Variants in SRGAP1 observed in about 807,000 individuals in gnomAD.
The protein encoded by SRGAP1 is SLIT-ROBO Rho GTPase-activating protein 1.
Under a neutral mutation model 121.9 loss-of-function variants are expected in SRGAP1, and 43 were observed. The observed-to-expected ratio is 0.35, with a 90% confidence interval of 0.28 to 0.46. SRGAP1 has a LOEUF of 0.46. Ranked by LOEUF, SRGAP1 falls within the 20% of genes least tolerant of loss-of-function variation. The probability of loss-of-function intolerance (pLI) is 1.00; values close to 1 mark genes in which losing one functional copy is unlikely to be tolerated. For missense variants in SRGAP1, 1,102 were observed against 1,350.9 expected (o/e 0.82, Z 2.89); for synonymous variants, 447 against 485.4 (o/e 0.92, Z 1.04).
chr12:64,113,085 A>G (rs2136617952), intron 17 of SRGAP1, among the ~76,000 whole-genome samples: 1 of 151,854 alleles, frequency 6.6e-6, no homozygotes, highest in African/African-American at 2.4e-5. Flanking sequence ...CAGCCTGAGC[A>G]ACAAAACAAG....
chr12:64,123,663 T>G (rs560747674), intron 18 of SRGAP1, among the ~76,000 whole-genome samples: 3,123 of 149,944 alleles, frequency 0.021, 130 homozygotes, highest in African/African-American at 0.072. Context: ...TTTATTTATT[T>G]ATTTATTTAT....
chr12:63,922,259 A>G lies in SRGAP1; in HGVS notation c.68-61688A>G, dbSNP rs144041413. Among the ~76,000 whole-genome samples the G allele has an allele frequency of 3.0e-3, 457 of 152,304 alleles. 1 individual carries two copies. The highest frequency in any genetic ancestry group is 0.01 in the African/African-American group (432 of 41,556). ...CTCCCAAACTGCTGGGATTACAGGC[A>G]TGAGCTACTGCACCTGGCCCAAGAT... On this transcript the variant is annotated intron_variant, in intron 1 of 21. Coordinates refer to ENST00000355086, the MANE Select transcript of SRGAP1 (RefSeq NM_020762.4).
intron 6 of SRGAP1, among the ~76,000 whole-genome samples, chr12:64,044,957 G>A (rs748631932): frequency 1.3e-4 from 20 of 152,048 alleles, no homozygotes; most frequent in Admixed American, 2.0e-4. Context: ...TGGGATTACA[G>A]GCCTGAGCCA....
At chr12:63,992,521 T>A (rs1565626673) in intron 3 of SRGAP1, among the ~76,000 whole-genome samples, 1 of 151,978 alleles carries the variant, frequency 6.6e-6, no homozygotes, top group African/African-American at 2.4e-5. Context: ...AATCTTGGAG[T>A]GAGGCAGCTC....
intron 1 of SRGAP1, among the ~76,000 whole-genome samples, chr12:63,967,946 G>A (rs1330364787): frequency 6.6e-6 from 1 of 152,190 alleles, no homozygotes; most frequent in Non-Finnish European, 1.5e-5. Context: ...GGAAGGGAAT[G>A]GTGAGGAGGA....
intron 1 of SRGAP1, among the ~76,000 whole-genome samples, chr12:63,941,677 A>G (rs1191723123): frequency 1.0e-5 from 1 of 100,216 alleles, no homozygotes; most frequent in Non-Finnish European, 1.9e-5. Flanking sequence ...TGCCAGTTAG[A>G]AAAAAAAAAA....
chr12:64,082,202 T>C (rs894941171), intron 10 of SRGAP1, among the ~76,000 whole-genome samples: 3 of 152,020 alleles, frequency 2.0e-5, no homozygotes, highest in African/African-American at 7.3e-5. Context: ...AATTCATTCT[T>C]GGCACTGCTT....
At chr12:64,087,549 T>A (rs536922095) in intron 11 of SRGAP1, among the ~76,000 whole-genome samples, 20 of 151,890 alleles carry the variant, frequency 1.3e-4, no homozygotes, top group African/African-American at 4.6e-4. Flanking sequence ...GCCTGGCCAA[T>A]GTGGTGAAAC....
At chr12:64,112,996 C>T (rs891363411) in intron 17 of SRGAP1, among the ~76,000 whole-genome samples, 1 of 151,912 alleles carries the variant, frequency 6.6e-6, no homozygotes, top group Non-Finnish European at 1.5e-5. Flanking sequence ...GTCCCAGATA[C>T]TTGAGAAGCT....
intron 18 of SRGAP1, among the ~76,000 whole-genome samples, chr12:64,124,983 TG>T (rs2036665104): frequency 3.9e-5 from 6 of 152,216 alleles, no homozygotes; most frequent in African/African-American, 1.4e-4. Context: ...CCTTTGTGTG[TG>T]TGTTTACTTA....
At chr12:64,009,451 GTTAC>G (rs1357617214) in intron 3 of SRGAP1, among the ~76,000 whole-genome samples, 1 of 152,160 alleles carries the variant, frequency 6.6e-6, no homozygotes, top group African/African-American at 2.4e-5. Context: ...TCAGTCTTGA[GTTAC>G]TTAATCAGCC....
chr12:64,141,010 A>G (rs1328038275), intron 21 of SRGAP1, among the ~76,000 whole-genome samples: 1 of 121,924 alleles, frequency 8.2e-6, no homozygotes, highest in Non-Finnish European at 1.6e-5. Context: ...TTCTCAGTAA[A>G]CTATCGCAAG....
At chr12:64,083,326 A>T (rs188381685) in intron 10 of SRGAP1, among the ~76,000 whole-genome samples, 252 of 152,342 alleles carry the variant, frequency 1.7e-3, no homozygotes, top group Middle Eastern at 0.014. Flanking sequence ...ATAGTAAAAC[A>T]AATAGAGCCT....
chr12:64,117,110 G>A (rs2036535445), intron 18 of SRGAP1, among the ~76,000 whole-genome samples: 1 of 152,166 alleles, frequency 6.6e-6, no homozygotes, highest in Non-Finnish European at 1.5e-5. Flanking sequence ...TGGGGTGTTG[G>A]CTCCAATGGG....
chr12:64,070,331 A>G (rs2136547778), intron 8 of SRGAP1, among the ~76,000 whole-genome samples: 1 of 152,314 alleles, frequency 6.6e-6, no homozygotes, highest in South Asian at 2.1e-4. Flanking sequence ...AAAAGGAACT[A>G]CTTTGAGGAG....
chr12:63,954,756 A>G (rs1006941884), intron 1 of SRGAP1, among the ~76,000 whole-genome samples: 1 of 151,938 alleles, frequency 6.6e-6, no homozygotes, highest in African/African-American at 2.4e-5. Flanking sequence ...GAGCTACACA[A>G]TTGTAGGTTT....
intron 1 of SRGAP1, among the ~76,000 whole-genome samples, chr12:63,855,197 G>C (rs138501323): frequency 2.2e-3 from 330 of 152,194 alleles, no homozygotes; most frequent in Admixed American, 4.1e-3. Context: ...TCTACTCTTT[G>C]AAACCAGATT....
chr12:64,014,303 A>T (rs1284024895), intron 3 of SRGAP1, among the ~76,000 whole-genome samples: 1 of 152,186 alleles, frequency 6.6e-6, no homozygotes, highest in Non-Finnish European at 1.5e-5. Flanking sequence ...CTGGGGAATG[A>T]CAAAAGAAAA....
chr12:63,979,038 CTT>C lies in SRGAP1; in HGVS notation c.68-4886_68-4885del, dbSNP rs34235730. Reference sequence around the variant, plus strand: ...GAAATGTCTGTTGAGACCCTTTGACCTTTTTTTTTTTTTTTTTTTTTTTTGAG... The same window carrying C: ...GAAATGTCTGTTGAGACCCTTTGACCTTTTTTTTTTTTTTTTTTTTTTGAG... On this transcript the variant is annotated intron_variant, in intron 1 of 21. Transcript: ENST00000355086. 7.4e-3 allele frequency among the ~76,000 whole-genome samples: 604 copies of C among 82,074 alleles called. 1 individual carries two copies. Among genetic ancestry groups the C allele is most frequent in the African/African-American group, 0.026 (529 of 20,554 alleles). 53.8% of individuals were successfully genotyped at this position (82,074 alleles called of 152,430 possible).
Sources: gnomAD v4.1 joint callset for allele counts (sites outside exome capture counted in the v4.1 genomes callset) on GRCh38, gnomAD v4.1.1 for gene constraint, MANE v1.5 for transcripts, NCBI Gene and HGNC (gene_info 2026-07-23, HGNC 2026-07-21) for gene names.